The following RBM47 variants were observed in gnomAD, a reference collection of about 807,000 sequenced individuals.
The protein encoded by RBM47 is RNA-binding protein 47.
Under a neutral mutation model 47.1 loss-of-function variants are expected in RBM47, and 21 were observed. The observed-to-expected ratio is 0.45, with a 90% CI of 0.32 to 0.64. The LOEUF (loss-of-function observed/expected upper bound fraction) is 0.64. Ranked by LOEUF, RBM47 falls within the 30% of genes least tolerant of loss-of-function variation. The pLI, the probability that RBM47 is intolerant of heterozygous loss-of-function variation, is 0.05. For synonymous variants in RBM47, 375 were observed against 361.7 expected (o/e 1.04, Z -0.42); for missense variants, 708 against 870.9 (o/e 0.81, Z 2.35).
At chr4:40,547,884 T>C (rs1192106087) in intron 1 of RBM47, among the ~76,000 whole-genome samples, 1 of 152,218 alleles carries the variant, frequency 6.6e-6, no homozygotes, top group Non-Finnish European at 1.5e-5. Flanking sequence ...AAATATGAAA[T>C]GAATGCCTCC....
intron 1 of RBM47, among the ~76,000 whole-genome samples, chr4:40,624,481 C>A (rs1398342911): frequency 1.3e-5 from 2 of 152,194 alleles, no homozygotes. Flanking sequence ...ATGCTGCAGC[C>A]TTTTATAATC....
At chr4:40,565,928 C>T (rs9684697) in intron 1 of RBM47, among the ~76,000 whole-genome samples, 23,365 of 151,774 alleles carry the variant, frequency 0.15, 1,862 homozygotes, top group Admixed American at 0.17. Flanking sequence ...ACTAGCCCGG[C>T]GCGGTGGCAC....
At chr4:40,592,750 G>A (rs1361891231) in intron 1 of RBM47, among the ~76,000 whole-genome samples, 1 of 149,996 alleles carries the variant, frequency 6.7e-6, no homozygotes, top group African/African-American at 2.5e-5. Flanking sequence ...GTAGAGACAG[G>A]GCCTCGCTAT....
chr4:40,622,804 C>T (rs559312117), intron 1 of RBM47, among the ~76,000 whole-genome samples: 16 of 152,298 alleles, frequency 1.1e-4, no homozygotes, highest in African/African-American at 3.6e-4. Context: ...ATCACTGGAG[C>T]CTGGAAGGCA....
intron 1 of RBM47, among the ~76,000 whole-genome samples, chr4:40,552,161 GGCTGAGGCAGGT>G (rs1163598136): frequency 1.2e-4 from 18 of 152,142 alleles, no homozygotes; most frequent in African/African-American, 4.3e-4. Flanking sequence ...CACTTTGGGA[GGCTGAGGCAGGT>G]GGATCACGAG....
At chr4:40,481,486 A>ATTATTATTT (rs781338110) in intron 2 of RBM47, among the ~76,000 whole-genome samples, 7 of 106,824 alleles carry the variant, frequency 6.6e-5, no homozygotes, top group Admixed American at 5.8e-4. Flanking sequence ...TATTATTATT[A>ATTATTATTT]TTTTTATTTT....
chr4:40,604,714 T>TTGTTG (rs141813422), intron 1 of RBM47, among the ~76,000 whole-genome samples: 2 of 151,636 alleles, frequency 1.3e-5, no homozygotes, highest in African/African-American at 4.9e-5. Context: ...CACATGGCTC[T>TTGTTG]TTGTTGTTGT....
chr4:40,580,646 A>G (rs990594668), intron 1 of RBM47, among the ~76,000 whole-genome samples: 1 of 152,228 alleles, frequency 6.6e-6, no homozygotes, highest in African/African-American at 2.4e-5. Flanking sequence ...CTTTCCTTGC[A>G]TTGCTGAGCA....
intron 3 of RBM47, among the ~76,000 whole-genome samples, chr4:40,439,264 C>T (rs1207174771): frequency 6.6e-6 from 1 of 152,194 alleles, no homozygotes; most frequent in Non-Finnish European, 1.5e-5. Flanking sequence ...CATTCCTGCA[C>T]CGTTAACTCC....
intron 1 of RBM47, among the ~76,000 whole-genome samples, chr4:40,566,225 A>G (rs1372348044): frequency 6.6e-6 from 1 of 152,240 alleles, no homozygotes; most frequent in Non-Finnish European, 1.5e-5. Flanking sequence ...GGTCAGTGGT[A>G]GGGATCACCG....
intron 2 of RBM47, among the ~76,000 whole-genome samples, chr4:40,524,089 TC>T (rs1726475264): frequency 6.6e-6 from 1 of 152,202 alleles, no homozygotes; most frequent in South Asian, 2.1e-4. Flanking sequence ...TGTGAAGATG[TC>T]CAGAGTCCCC....
At chr4:40,605,815 G>A (rs1459012303) in intron 1 of RBM47, among the ~76,000 whole-genome samples, 1 of 150,246 alleles carries the variant, frequency 6.7e-6, no homozygotes, top group Non-Finnish European at 1.5e-5. Context: ...TGAGCAAGGG[G>A]AGCGAGACTC....
intron 3 of RBM47, among the ~76,000 whole-genome samples, chr4:40,459,997 C>T (rs1231358941): frequency 6.6e-6 from 1 of 152,174 alleles, no homozygotes; most frequent in African/African-American, 2.4e-5. Flanking sequence ...CTCAGGTGAT[C>T]CACCCGCCTC....
At chr4:40,520,223 T>C (rs1726068704) in intron 2 of RBM47, among the ~76,000 whole-genome samples, 1 of 152,234 alleles carries the variant, frequency 6.6e-6, no homozygotes. Context: ...AGTCTCATGC[T>C]GCTCAGAGAC....
At chr4:40,600,417 G>T (rs960557871) in intron 1 of RBM47, among the ~76,000 whole-genome samples, 1 of 146,560 alleles carries the variant, frequency 6.8e-6, no homozygotes, top group Non-Finnish European at 1.5e-5. Flanking sequence ...GGCGGATCAC[G>T]AGGTCAGGAG....
chr4:40,523,280 A>G (rs1310385286), intron 2 of RBM47, among the ~76,000 whole-genome samples: 1 of 151,732 alleles, frequency 6.6e-6, no homozygotes, highest in Non-Finnish European at 1.5e-5. Flanking sequence ...AATTTTTAAG[A>G]ATATAAAAAC....
intron 3 of RBM47, among the ~76,000 whole-genome samples, chr4:40,461,951 A>C (rs1456483867): frequency 1.3e-5 from 2 of 151,992 alleles, no homozygotes; most frequent in Non-Finnish European, 2.9e-5. Flanking sequence ...AAAAAAAAAA[A>C]AGATTTAACA....
rs979337691 is a variant in RBM47 at position 40,425,810 on chromosome 4, T to A, written c.*94A>T. ...CTGCTAACATTCTTCACTTTCAGGT[T>A]GCATGTGTGAATCCAACATGTTCCT... On this transcript the variant is annotated 3_prime_UTR_variant, in exon 7 of 7. Coordinates refer to ENST00000295971, the MANE Select transcript of RBM47 (RefSeq NM_001098634.2). 76 of 1,468,766 alleles carry A rather than the reference T, an allele frequency of 5.2e-5. No homozygotes were observed. The highest frequency in any genetic ancestry group is 6.9e-5 in the Non-Finnish European group (74 of 1,080,024). The allele number at this position is 1,468,766 out of a possible 1,614,324, so 91.0% of individuals were successfully genotyped here.
chr4:40,438,471 C>T lies in RBM47; in HGVS notation c.423G>A (p.Leu141=), dbSNP rs779736077. The T allele has an allele frequency of 1.2e-6, 2 of 1,613,564 alleles. No homozygotes were observed. Among genetic ancestry groups the T allele is most frequent in the East Asian group, 4.5e-5 (2 of 44,882 alleles). The part of the protein sequence containing the change: ...LNNYEIRPGR[L]LGVCCSVDNC... ...TGTCCACGCTGCAGCACACGCCGAG[C>T]AGGCGGCCCGGGCGGATCTCGTAGT... Residue 141 remains leucine, a synonymous_variant, in exon 4 of 7, where the codon CTG becomes CTA. Coordinates refer to ENST00000295971, the MANE Select transcript of RBM47 (RefSeq NM_001098634.2).
Sources: gnomAD v4.1 joint callset for allele counts (sites outside exome capture counted in the v4.1 genomes callset) on GRCh38, gnomAD v4.1.1 for gene constraint, MANE v1.5 for transcripts, NCBI Gene and HGNC (gene_info 2026-07-23, HGNC 2026-07-21) for gene names.